TBPL2: variants seen among roughly 807,000 people sequenced by gnomAD.
TBPL2 encodes TATA-box binding protein like 2, also known as TATA box-binding protein-like 2.
A neutral mutation model predicts 38.2 loss-of-function variants in TBPL2; 40 were observed. The observed-to-expected ratio is 1.05, with a 90% confidence interval of 0.81 to 1.36. The LOEUF (loss-of-function observed/expected upper bound fraction) is 1.36. Ranked by LOEUF, TBPL2 falls within the 40% of genes most tolerant of loss-of-function variation. The pLI, the probability that TBPL2 is intolerant of heterozygous loss-of-function variation, is 0.00. For synonymous variants in TBPL2, 169 were observed against 171.7 expected (o/e 0.98, Z 0.12); for missense variants, 461 against 456.7 (o/e 1.01, Z -0.09).
exon 2 of TBPL2, chr14:55,436,811 C>T (rs147025657): frequency 4.5e-5 from 73 of 1,614,064 alleles, no homozygotes; most frequent in African/African-American, 2.1e-4. Context: ...TCTTCAGTTT[C>T]GTGTTTGCTA....
chr14:55,427,542 A>G (rs1473471820), intron 5 of TBPL2, among the ~76,000 whole-genome samples: 4 of 152,174 alleles, frequency 2.6e-5, no homozygotes, highest in Non-Finnish European at 4.4e-5. Context: ...TTGGAATGAA[A>G]GAACTTCAGT....
intron 5 of TBPL2, among the ~76,000 whole-genome samples, chr14:55,428,198 C>T (rs900748573): frequency 2.3e-5 from 3 of 128,466 alleles, no homozygotes; most frequent in Admixed American, 1.9e-4. Flanking sequence ...GGCGCGAGGT[C>T]GGCTCACTGC....
intron 6 of TBPL2, among the ~76,000 whole-genome samples, chr14:55,422,682 T>A (rs1398325771): frequency 6.6e-6 from 1 of 152,040 alleles, no homozygotes; most frequent in Non-Finnish European, 1.5e-5. Context: ...CAAAACCCCA[T>A]CTCTTCGAAA....
rs187455142 is a variant in TBPL2, at chr14:55,416,492, C to G, written c.1052-2037G>C. On this transcript the variant is annotated intron_variant, in intron 6 of 6. Coordinates refer to ENST00000247219, the Ensembl canonical transcript of TBPL2. ...AGAAGAAAAGTTATTTATTCATTGCCAAAAAGTTTACTATCTGTAGGTCTT... is the reference window on the plus strand; with the variant it reads ...AGAAGAAAAGTTATTTATTCATTGCGAAAAAGTTTACTATCTGTAGGTCTT... Among the ~76,000 whole-genome samples, 14 of 152,058 alleles carry G rather than the reference C, an allele frequency of 9.2e-5. No individual in the cohort carries two copies. The East Asian group carries it at 1.2e-3, about 13-fold the overall frequency.
chr14:55,421,690 T>G (rs558721827), intron 6 of TBPL2, among the ~76,000 whole-genome samples: 1 of 152,302 alleles, frequency 6.6e-6, no homozygotes, highest in East Asian at 1.9e-4. Context: ...CTTGAATTCC[T>G]GGCCTCATGT....
At chr14:55,435,905 C>T in exon 3 of TBPL2, 1 of 1,582,634 alleles carries the variant, frequency 6.3e-7, no homozygotes, top group Non-Finnish European at 8.5e-7. Context: ...ATCCAACTTA[C>T]AGGCCAGGTT....
chr14:55,426,124 G>A (rs1302385692), intron 5 of TBPL2, among the ~76,000 whole-genome samples: 2 of 152,000 alleles, frequency 1.3e-5, no homozygotes, highest in South Asian at 2.1e-4. Context: ...AAAATTAGCC[G>A]GGTGTGGTGG....
intron 6 of TBPL2, among the ~76,000 whole-genome samples, chr14:55,417,254 A>C (rs1885682488): frequency 6.6e-6 from 1 of 152,176 alleles, no homozygotes; most frequent in Admixed American, 6.5e-5. Flanking sequence ...CCAAAAGTCA[A>C]CAAATCAACA....
At chr14:55,435,980 T>TAAAAAA in intron 2 of TBPL2, 46 bp from the exon 3 acceptor site, 3 of 862,954 alleles carry the variant, frequency 3.5e-6, no homozygotes, top group Non-Finnish European at 3.4e-6. Context: ...ATATAAAGAG[T>TAAAAAA]AAAAAAAAAA....
intron 1 of TBPL2, among the ~76,000 whole-genome samples, chr14:55,438,492 C>T (rs942287665): frequency 1.3e-5 from 2 of 152,096 alleles, no homozygotes; most frequent in African/African-American, 2.4e-5. Context: ...CTCACCTGTC[C>T]CAGATGTAAA....
intron 4 of TBPL2, among the ~76,000 whole-genome samples, chr14:55,430,774 C>T (rs183895594): frequency 3.3e-5 from 5 of 152,246 alleles, no homozygotes. Flanking sequence ...ACCCACTTCT[C>T]ACTCTTGAAA....
In TBPL2 at chr14:55,428,795, TAACCGTC is replaced by T. The variant is rs1228709679; in HGVS notation, c.956+5_956+11del. On this transcript the variant is annotated splice_donor_5th_base_variant and intron_variant, in intron 5 of 6. Coordinates refer to ENST00000247219, the Ensembl canonical transcript of TBPL2. Reference sequence around the variant, plus strand: ...TGGTAAATTCAAAGTTCAAGCTATATAACCGTCATACCTACTGAACTGCTGATGGGTT... The same window carrying T: ...TGGTAAATTCAAAGTTCAAGCTATATATACCTACTGAACTGCTGATGGGTT... The T allele has an allele frequency of 6.2e-7, 1 of 1,611,356 alleles. No individual in the cohort carries two copies. The highest frequency in any genetic ancestry group is 1.3e-5 in the African/African-American group (1 of 74,776).
exon 4 of TBPL2, chr14:55,433,659 A>G (rs776797752): frequency 1.2e-6 from 2 of 1,614,022 alleles, no homozygotes; most frequent in Non-Finnish European, 1.7e-6. Flanking sequence ...CCATCTTCCC[A>G]GAGCTAAATA....
intron 6 of TBPL2, among the ~76,000 whole-genome samples, chr14:55,415,726 C>T (rs111503766): frequency 0.056 from 8,588 of 152,022 alleles, 320 homozygotes; most frequent in South Asian, 0.083. Context: ...GAAAATTAGG[C>T]GTGGCGGTGG....
chr14:55,416,404 T>A (rs1037478826), intron 6 of TBPL2, among the ~76,000 whole-genome samples: 5 of 151,562 alleles, frequency 3.3e-5, no homozygotes, highest in Admixed American at 3.3e-4. Flanking sequence ...CCAGCCCGGG[T>A]AACATAGGGA....
chr14:55,432,709 A>G (rs1276135417), intron 4 of TBPL2, among the ~76,000 whole-genome samples: 1 of 152,218 alleles, frequency 6.6e-6, no homozygotes, highest in Non-Finnish European at 1.5e-5. Context: ...GGATAAAATG[A>G]ACACTTAGTA....
intron 5 of TBPL2, among the ~76,000 whole-genome samples, 185 bp downstream of exon 5, chr14:55,428,621 CA>C (rs1885870681): frequency 6.6e-6 from 1 of 151,344 alleles, no homozygotes; most frequent in African/African-American, 2.4e-5. Flanking sequence ...ACCATGGTTT[CA>C]AAAGACTGGG....
At chr14:55,424,305 C>A in intron 5 of TBPL2, 52 bp from the exon 6 acceptor site, 1 of 1,194,710 alleles carries the variant, frequency 8.4e-7, no homozygotes, top group South Asian at 1.3e-5. Context: ...CAGCTCCTTT[C>A]CCATAACATG....
intron 6 of TBPL2, among the ~76,000 whole-genome samples, chr14:55,415,822 C>A (rs1255538427): frequency 1.3e-5 from 2 of 152,104 alleles, no homozygotes; most frequent in Non-Finnish European, 2.9e-5. Context: ...GCAGAGTTCG[C>A]ACCATTACAC....
Sources: allele counts gnomAD v4.1 joint callset (sites outside exome capture counted in the v4.1 genomes callset), GRCh38; gene constraint gnomAD v4.1.1; transcripts MANE v1.5; gene names NCBI Gene and HGNC (gene_info 2026-07-23, HGNC 2026-07-21).